Variants in FAT2 observed in about 807,000 individuals in gnomAD.
FAT2 encodes FAT atypical cadherin 2.
In FAT2, 150 loss-of-function variants were observed where a neutral mutation model predicts 295.3. The ratio of observed to expected loss-of-function variants is 0.51; its 90% confidence interval spans 0.44 to 0.58. The LOEUF is 0.58. Ranked by LOEUF, FAT2 falls within the 20% of genes least tolerant of loss-of-function variation. FAT2 has a pLI of 0.00. For missense variants in FAT2, 4,868 were observed against 5,442.7 expected (o/e 0.89, Z 3.32); for synonymous variants, 2,026 against 2,150.3 (o/e 0.94, Z 1.60).
chr5:151,543,867 A>G lies in FAT2; in HGVS notation c.7260T>C (p.Ser2420=). Residue 2420 remains serine, a synonymous_variant, in exon 10 of 24, where the codon TCT becomes TCC. Coordinates refer to ENST00000261800, the MANE Select transcript of FAT2 (RefSeq NM_001447.3). ...TGAAGAAGTGCCTGTCCTGATTGCC[A>G]GAAAGAATCAGGTACTCCAGGCGGG... ...DTSRLEYLIL[S]GNQDRHFFIN... The G allele has an allele frequency of 6.2e-7, 1 of 1,614,210 alleles. No individual in the cohort carries two copies. Among genetic ancestry groups the G allele is most frequent in the Non-Finnish European group, 8.5e-7 (1 of 1,180,032 alleles).
intron 13 of FAT2, 106 bp downstream of exon 13, chr5:151,534,303 G>A (rs1453465675): frequency 2.5e-6 from 2 of 784,982 alleles, no homozygotes; most frequent in Non-Finnish European, 4.0e-6. Context: ...ACTCAACAAG[G>A]AGGCACCGCC....
chr5:151,558,774 G>A (rs1312629667), intron 3 of FAT2, among the ~76,000 whole-genome samples: 1 of 152,132 alleles, frequency 6.6e-6, no homozygotes, highest in Non-Finnish European at 1.5e-5. Flanking sequence ...CAGATAAATA[G>A]AGAGGGGGCT....
chr5:151,509,680 C>T, intron 22 of FAT2: 2 of 235,048 alleles, frequency 8.5e-6, no homozygotes, highest in Admixed American at 4.8e-5. Flanking sequence ...AAGCTCAGGG[C>T]TCCCAACTGA....
chr5:151,530,557 T>C (rs540666553), intron 14 of FAT2, among the ~76,000 whole-genome samples: 39 of 152,368 alleles, frequency 2.6e-4, no homozygotes, highest in African/African-American at 8.2e-4. Flanking sequence ...ACACTTAAAA[T>C]CTTGCATATC....
At chr5:151,571,257 G>A (rs538975685) in intron 1 of FAT2, among the ~76,000 whole-genome samples, 1 of 152,198 alleles carries the variant, frequency 6.6e-6, no homozygotes, top group East Asian at 1.9e-4. Flanking sequence ...GGACGCCTGA[G>A]TCATTCAGCC....
Position 151,507,264 on chromosome 5 carries a change from T to A in FAT2, c.12407A>T (p.Lys4136Met). 1.9e-5 allele frequency: 31 copies of A among 1,614,140 alleles called. No homozygotes were observed. The highest frequency in any genetic ancestry group is 2.5e-5 in the Non-Finnish European group (29 of 1,180,026). ...NELVTFGPNS[K>M]QRPVVCSVPP... is the part of the protein sequence containing the mutation. ...CACACTGCAGACCACTGGCCGTTGC[T>A]TAGAATTGGGTCCAAATGTGACGAG... Residue 4136 changes from lysine (K) to methionine (M), a missense_variant, in exon 23 of 24, where the codon AAG (lysine) becomes ATG (methionine). Around this residue, in one of 5 missense-constraint regions of FAT2, gnomAD observed 492 missense variants for 482.6 expected, o/e 1.02. Transcript: ENST00000261800.
At chr5:151,513,818 T>A (rs1318519483) in intron 20 of FAT2, among the ~76,000 whole-genome samples, 4 of 152,224 alleles carry the variant, frequency 2.6e-5, no homozygotes. Context: ...TATTTCTAAA[T>A]AAATTAATAC....
At chr5:151,557,734 A>C (rs1757824398) in intron 3 of FAT2, among the ~76,000 whole-genome samples, 3 of 152,252 alleles carry the variant, frequency 2.0e-5, no homozygotes, top group Admixed American at 6.5e-5. Flanking sequence ...TTGGGTTTCT[A>C]TCTTTACATC....
intron 12 of FAT2, among the ~76,000 whole-genome samples, chr5:151,537,266 G>A (rs899240397): frequency 2.7e-5 from 4 of 149,824 alleles, no homozygotes; most frequent in Non-Finnish European, 5.9e-5. Flanking sequence ...ATAAGAAGAC[G>A]ATGGTGGTGG....
chr5:151,555,756 G>A (rs956079405), intron 4 of FAT2, among the ~76,000 whole-genome samples: 2 of 152,196 alleles, frequency 1.3e-5, no homozygotes, highest in Non-Finnish European at 2.9e-5. Context: ...TGAGGAATAT[G>A]TATTCCCCCC....
chr5:151,564,589 G>A (rs1026330352), intron 2 of FAT2, among the ~76,000 whole-genome samples: 3 of 152,086 alleles, frequency 2.0e-5, no homozygotes, highest in Admixed American at 6.6e-5. Context: ...CTTTATTCAC[G>A]TGGGATCTCC....
chr5:151,512,036 T>A lies in FAT2; in HGVS notation c.11905+129A>T. 1.3e-6 allele frequency: 1 copy of A among 794,990 alleles called. No homozygotes were observed. The highest frequency in any genetic ancestry group is 2.7e-5 in the East Asian group (1 of 37,198). The allele number at this position is 794,990 out of a possible 1,614,324, so 49.2% of individuals were successfully genotyped here. On this transcript the variant is annotated intron_variant, in intron 21 of 23. Coordinates refer to ENST00000261800, the MANE Select transcript of FAT2 (RefSeq NM_001447.3). The surrounding 1 kb of genome is among the most constrained non-coding windows in gnomAD (Gnocchi z 4.1). ...GATATTGCAGATTCCAACCTGTTACTCACAAGTTAGGGGAAGAGAGAGAAA... is the reference window on the plus strand; with the variant it reads ...GATATTGCAGATTCCAACCTGTTACACACAAGTTAGGGGAAGAGAGAGAAA...
chr5:151,523,729 A>G (rs1753721068), intron 18 of FAT2, among the ~76,000 whole-genome samples: 1 of 152,076 alleles, frequency 6.6e-6, no homozygotes, highest in South Asian at 2.1e-4. Flanking sequence ...AGGGCCATCT[A>G]CCAATCCTCT....
In FAT2 at chr5:151,545,625, G is replaced by A; in HGVS notation, c.5502C>T (p.Pro1834=). The change falls in exon 10 of 24, where the codon CCC becomes CCT. Residue 1834 remains proline (P), a synonymous_variant. Transcript: ENST00000261800. ...IVSEMDYESM[P]SFQFCVYVHD... is the part of the protein sequence containing the mutation. Reference sequence around the variant, plus strand: ...GGACATAGACACAGAATTGGAAAGAGGGCATGCTCTCATAATCCATCTCTG... The same window carrying A: ...GGACATAGACACAGAATTGGAAAGAAGGCATGCTCTCATAATCCATCTCTG... 6.2e-7 allele frequency: 1 copy of A among 1,614,174 alleles called. No homozygotes were observed. The highest frequency in any genetic ancestry group is 8.5e-7 in the Non-Finnish European group (1 of 1,180,016).
At position 151,570,717 on chromosome 5, in the gene FAT2, C is replaced by T. The variant is rs560429882; in HGVS notation, c.-20-1766G>A. On this transcript the variant is annotated intron_variant, in intron 1 of 23. Coordinates refer to ENST00000261800, the MANE Select transcript of FAT2 (RefSeq NM_001447.3). ...GCTTCATGGCTGCCAGCCAGATGCG[C>T]TGGAGCATTCTTGGATGAAACTGGC... is the stretch of plus-strand genomic sequence containing the variant. Among the ~76,000 whole-genome samples the T allele has an allele frequency of 5.7e-4, 86 of 152,184 alleles. 1 individual carries two copies. Among genetic ancestry groups the T allele is most frequent in the Non-Finnish European group, 6.0e-4 (41 of 68,030 alleles).
At position 151,567,031 on chromosome 5, in the gene FAT2, G is replaced by T. The variant is rs374570696; in HGVS notation, c.1901C>A (p.Thr634Asn). 1.9e-6 allele frequency: 3 copies of T among 1,613,842 alleles called. No homozygotes were observed. The highest frequency in any genetic ancestry group is 2.5e-6 in the Non-Finnish European group (3 of 1,179,880). ...GGCTGTAATCTTCAGGGAATAACTG[G>T]TGGGTTGACCAGCAGTAAGATTGAT... ...PFINLTAGQP[T>N]SYSLKITASD... Residue 634 changes from threonine to asparagine, a missense_variant, in exon 2 of 24, where the codon ACC becomes AAC. Physicochemically the swap from Thr to Asn is moderately conservative, Grantham distance 65. Coordinates refer to ENST00000261800, the MANE Select transcript of FAT2 (RefSeq NM_001447.3).
At chr5:151,553,110 G>A in intron 6 of FAT2, 67 bp downstream of exon 6, 1 of 1,511,326 alleles carries the variant, frequency 6.6e-7, no homozygotes, top group Non-Finnish European at 9.2e-7. Flanking sequence ...ACTGTAGCAG[G>A]AAAACTAGAG....
rs766230230 is a variant in FAT2 at position 151,567,533 on chromosome 5, A to G, written c.1399T>C (p.Leu467=). The G allele has an allele frequency of 1.2e-6, 2 of 1,614,024 alleles. No individual in the cohort carries two copies. Among genetic ancestry groups the G allele is most frequent in the African/African-American group, 1.3e-5 (1 of 74,890 alleles). Residue 467 remains leucine (L), a synonymous_variant, in exon 2 of 24, where the codon TTG becomes CTG. Transcript: ENST00000261800. ...LFNRSSYDGT[L]DENIPPGTSV... The stretch of plus-strand genomic sequence containing the variant: ...GTGCCTGGAGGGATGTTCTCATCCA[A>G]GGTACCATCATAGGAAGACCTGTTG...
rs1291250222 is a variant in FAT2 at position 151,528,034 on chromosome 5, C to A, written c.10126G>T (p.Gly3376Trp). 7 of 1,614,090 alleles carry A rather than the reference C, an allele frequency of 4.3e-6. No homozygotes were observed. Among genetic ancestry groups the A allele is most frequent in the Non-Finnish European group, 3.4e-6 (4 of 1,180,040 alleles). The change falls in exon 16 of 24, where the codon GGG (glycine) becomes TGG (tryptophan). Residue 3376 changes from glycine to tryptophan, a missense_variant. Gly to Trp is a radical substitution (Grantham distance 184, BLOSUM62 -2). Coordinates refer to ENST00000261800, the MANE Select transcript of FAT2 (RefSeq NM_001447.3). ...AGGGCCTTGGCCACCTGTAGCTCCC[C>A]CTTTTTGGGGTGAATGGTGAAGTGC... is the stretch of plus-strand genomic sequence containing the variant. ...LGHFTIHPKK[G>W]ELQVAKALDR...
Sources: allele counts gnomAD v4.1 joint callset (sites outside exome capture counted in the v4.1 genomes callset), GRCh38; gene constraint gnomAD v4.1.1; regional missense constraint gnomAD v4.1.1; non-coding constraint Gnocchi (gnomAD v3.1); transcripts MANE v1.5; gene names NCBI Gene and HGNC (gene_info 2026-07-23, HGNC 2026-07-21).